Variants in IL34 observed in about 807,000 individuals in gnomAD.
IL34 encodes interleukin-34.
A neutral mutation model predicts 25.3 loss-of-function variants in IL34; 17 were observed. The observed-to-expected ratio is 0.67, with a 90% CI of 0.46 to 1.01. The LOEUF (loss-of-function observed/expected upper bound fraction) is 1.01, where lower values mean the gene tolerates loss of function less well. IL34 is among the 50% of genes least tolerant of loss of function. IL34 has a pLI of 0.00. For synonymous variants in IL34, 174 were observed against 140.9 expected, an observed-to-expected ratio of 1.23 and a Z score of -1.66; for missense variants, 368 against 312.9, an observed-to-expected ratio of 1.18 and a Z score of -1.33.
chr16:70,653,263 A>G (rs2052125239), intron 1 of IL34, among the ~76,000 whole-genome samples: 1 of 151,350 alleles, frequency 6.6e-6, no homozygotes. Flanking sequence ...CTCTCATCCC[A>G]GCTACTCAGG....
chr16:70,584,477 T>A (rs994369233), intron 1 of IL34, among the ~76,000 whole-genome samples: 2 of 152,206 alleles, frequency 1.3e-5, no homozygotes, highest in Admixed American at 6.5e-5. Context: ...ACTTCCAATG[T>A]GGACTTCCCA....
chr16:70,657,844 T>A (rs2052273252), intron 4 of IL34, among the ~76,000 whole-genome samples: 1 of 152,164 alleles, frequency 6.6e-6, no homozygotes, highest in Non-Finnish European at 1.5e-5. Context: ...CATGCATTTG[T>A]CACAACCCAC....
intron 1 of IL34, among the ~76,000 whole-genome samples, chr16:70,580,542 T>G (rs1315155107): frequency 1.3e-5 from 2 of 152,190 alleles, no homozygotes; most frequent in Admixed American, 6.5e-5. Flanking sequence ...ATCCCAGCAC[T>G]CTGGGAGGCG....
At chr16:70,591,604 G>A (rs560580178) in intron 1 of IL34, among the ~76,000 whole-genome samples, 61 of 149,232 alleles carry the variant, frequency 4.1e-4, no homozygotes, top group Admixed American at 1.1e-3. Flanking sequence ...GGCCCTCACC[G>A]TCCTCCCACC....
upstream of IL34, among the ~76,000 whole-genome samples, chr16:70,644,163 C>T (rs1442958082): frequency 6.6e-6 from 1 of 152,126 alleles, no homozygotes; most frequent in Non-Finnish European, 1.5e-5. Flanking sequence ...TTAGTAGAGA[C>T]AGGGTTTCAC....
At chr16:70,622,412 G>A (rs921549597) in intron 1 of IL34, among the ~76,000 whole-genome samples, 2 of 151,958 alleles carry the variant, frequency 1.3e-5, no homozygotes, top group Admixed American at 1.3e-4. Flanking sequence ...ATGGAACACC[G>A]AGAAGTTATT....
At chr16:70,589,950 A>G (rs1033453129) in intron 1 of IL34, among the ~76,000 whole-genome samples, 2 of 152,184 alleles carry the variant, frequency 1.3e-5, no homozygotes, top group African/African-American at 4.8e-5. Context: ...AACAAACGAA[A>G]AAATAGTAGA....
At chr16:70,615,557 G>A (rs926992191) in intron 1 of IL34, among the ~76,000 whole-genome samples, 1 of 152,088 alleles carries the variant, frequency 6.6e-6, no homozygotes, top group South Asian at 2.1e-4. Context: ...GTCTCTGAAA[G>A]GTGTCTGAGT....
At chr16:70,587,401 CT>C (rs1378962797) in intron 1 of IL34, among the ~76,000 whole-genome samples, 2 of 152,108 alleles carry the variant, frequency 1.3e-5, no homozygotes. Context: ...TCCCGAGTAG[CT>C]GGGACTACAG....
chr16:70,655,202 G>A (rs374857777), intron 2 of IL34, among the ~76,000 whole-genome samples: 17 of 147,668 alleles, frequency 1.2e-4, no homozygotes, highest in African/African-American at 2.8e-4. Context: ...ACAGGTGCGC[G>A]CCACCATGCC....
intron 1 of IL34, among the ~76,000 whole-genome samples, chr16:70,639,029 C>T (rs1451954826): frequency 1.3e-5 from 2 of 152,128 alleles, no homozygotes; most frequent in Non-Finnish European, 2.9e-5. Context: ...TAAGGCGTTG[C>T]CCTGTTTTGG....
upstream of IL34, among the ~76,000 whole-genome samples, chr16:70,645,780 G>A (rs2051912128): frequency 1.3e-5 from 2 of 152,166 alleles, no homozygotes; most frequent in Admixed American, 1.3e-4. Flanking sequence ...CTGGCCGGGT[G>A]CGGTGGCTCA....
intron 1 of IL34, among the ~76,000 whole-genome samples, chr16:70,622,132 C>A (rs1398575875): frequency 1.3e-5 from 2 of 151,932 alleles, no homozygotes; most frequent in Non-Finnish European, 2.9e-5. Context: ...GGTCTGTTAT[C>A]AGACTGTATA....
At chr16:70,630,719 A>G (rs946495771) in intron 1 of IL34, among the ~76,000 whole-genome samples, 16 of 148,872 alleles carry the variant, frequency 1.1e-4, no homozygotes, top group Non-Finnish European at 2.4e-4. Flanking sequence ...GACTACAGGC[A>G]CACCACCATG....
At chr16:70,587,700 A>G (rs916566531) in intron 1 of IL34, among the ~76,000 whole-genome samples, 1 of 151,666 alleles carries the variant, frequency 6.6e-6, no homozygotes, top group Non-Finnish European at 1.5e-5. Context: ...CCTACAATAC[A>G]CTACCCCACA....
intron 1 of IL34, among the ~76,000 whole-genome samples, chr16:70,638,405 A>G (rs2051704942): frequency 6.6e-6 from 1 of 151,848 alleles, no homozygotes. Context: ...TGAGCCCAGG[A>G]GTTTGAGGCA....
At chr16:70,648,147 G>A (rs969156238) in intron 1 of IL34, among the ~76,000 whole-genome samples, 1 of 152,190 alleles carries the variant, frequency 6.6e-6, no homozygotes, top group Non-Finnish European at 1.5e-5. Context: ...GGGTGGAATC[G>A]TGATTGGGAG....
intron 1 of IL34, among the ~76,000 whole-genome samples, chr16:70,610,787 C>A (rs1344367910): frequency 6.6e-6 from 1 of 152,088 alleles, no homozygotes; most frequent in Admixed American, 6.6e-5. Context: ...GCCGTCGGTG[C>A]GGGACAGTGG....
chr16:70,616,052 C>G (rs2051167964), intron 1 of IL34, among the ~76,000 whole-genome samples: 1 of 152,210 alleles, frequency 6.6e-6, no homozygotes, highest in African/African-American at 2.4e-5. Context: ...AGAAAACACA[C>G]CATTCAGTGT....
Sources: gnomAD v4.1 joint callset for allele counts (sites outside exome capture counted in the v4.1 genomes callset) on GRCh38, gnomAD v4.1.1 for gene constraint, MANE v1.5 for transcripts, NCBI Gene and HGNC (gene_info 2026-07-23, HGNC 2026-07-21) for gene names.